The following ARHGAP10 variants were observed in gnomAD, a reference collection of about 807,000 sequenced individuals.
ARHGAP10 encodes Rho GTPase activating protein 10.
ARHGAP10 carries 87 observed loss-of-function variants against 108.6 expected under a neutral mutation model. That is an observed-to-expected ratio of 0.80 (90% CI 0.67 to 0.96). The LOEUF (loss-of-function observed/expected upper bound fraction) is 0.96. Among genes scored for constraint, ARHGAP10 ranks in the 40% least tolerant of loss-of-function variants. ARHGAP10 has a pLI of 0.00. For synonymous variants in ARHGAP10, 347 were observed against 341.1 expected (o/e 1.02, Z -0.19); for missense variants, 939 against 954.5 (o/e 0.98, Z 0.21).
intron 1 of ARHGAP10, among the ~76,000 whole-genome samples, chr4:147,784,679 A>G (rs147737078): frequency 0.78 from 57,992 of 74,722 alleles, 26,955 homozygotes; most frequent in Non-Finnish European, 0.97. Flanking sequence ...TATATATTAT[A>G]AATATAAAAT....
rs762063525 is a variant in ARHGAP10 at position 147,822,718 on chromosome 4, T to C, written c.155-9T>C. ...AGAACCCAAGTCATCATTATACTTT[T>C]CTTTCTAGGTCTGTCAGTGGCCCAG... On this transcript the variant is annotated splice_polypyrimidine_tract_variant and intron_variant, in intron 1 of 22. Coordinates refer to ENST00000336498, the MANE Select transcript of ARHGAP10 (RefSeq NM_024605.4). 1.8e-5 allele frequency: 29 copies of C among 1,612,826 alleles called. 1 individual carries two copies. In the South Asian group the frequency reaches 3.2e-4, roughly 18 times the overall value.
intron 5 of ARHGAP10, chr4:147,858,383 C>T (rs1000605983): frequency 6.6e-6 from 1 of 152,000 alleles, no homozygotes; most frequent in Non-Finnish European, 1.5e-5. Context: ...GGAATCTGGA[C>T]ATTATGTACT....
chr4:147,938,979 A>G (rs1738063379), intron 13 of ARHGAP10, among the ~76,000 whole-genome samples: 2 of 152,198 alleles, frequency 1.3e-5, no homozygotes, highest in Admixed American at 1.3e-4. Flanking sequence ...ATTTTGCCAC[A>G]GTTGTTTCAT....
At chr4:147,956,452 T>C (rs1467562428) in intron 16 of ARHGAP10, among the ~76,000 whole-genome samples, 1 of 152,206 alleles carries the variant, frequency 6.6e-6, no homozygotes, top group Admixed American at 6.5e-5. Context: ...AAACTGGTTC[T>C]ATTCGTTTTT....
At chr4:147,836,051 C>T (rs551669194) in intron 3 of ARHGAP10, among the ~76,000 whole-genome samples, 1 of 152,220 alleles carries the variant, frequency 6.6e-6, no homozygotes, top group East Asian at 1.9e-4. Flanking sequence ...AAAAACAAAT[C>T]TTTACAGGTA....
In ARHGAP10 at chr4:147,889,670, T is replaced by A. The variant is rs201108372; in HGVS notation, c.1034+7738T>A. ...ATGTCTAATGTAAACATACTTTGTC[T>A]TCTTTACAAGTATCTGTTTTTGCTA... On this transcript the variant is annotated intron_variant, in intron 10 of 22. Coordinates refer to ENST00000336498, the MANE Select transcript of ARHGAP10 (RefSeq NM_024605.4). Among the ~76,000 whole-genome samples the A allele has an allele frequency of 1.6e-4, 4 of 25,610 alleles. No individual in the cohort carries two copies. In the Non-Finnish European group the frequency reaches 6.0e-3, roughly 38 times the overall value. 16.8% of individuals were successfully genotyped at this position (25,610 alleles called of 152,430 possible). A position where few individuals can be genotyped will look rare whatever the true frequency, so the allele number is the denominator to read the frequency against.
intron 1 of ARHGAP10, among the ~76,000 whole-genome samples, chr4:147,771,389 G>A (rs1182334477): frequency 1.3e-5 from 2 of 152,116 alleles, no homozygotes; most frequent in African/African-American, 2.4e-5. Context: ...TTTGATACAG[G>A]CATGCAATGT....
chr4:147,956,712 A>G (rs1292911006), intron 16 of ARHGAP10, among the ~76,000 whole-genome samples: 2 of 151,976 alleles, frequency 1.3e-5, no homozygotes, highest in Admixed American at 6.6e-5. Flanking sequence ...AGAATTAGAG[A>G]AAGATAAAGT....
chr4:147,899,089 T>G (rs1240339478), intron 10 of ARHGAP10, among the ~76,000 whole-genome samples: 3 of 152,168 alleles, frequency 2.0e-5, no homozygotes, highest in Non-Finnish European at 1.5e-5. Flanking sequence ...CAGGGTGGTC[T>G]CTCAGTCCTG....
intron 1 of ARHGAP10, among the ~76,000 whole-genome samples, chr4:147,739,217 A>G (rs1728553559): frequency 6.6e-6 from 1 of 151,828 alleles, no homozygotes; most frequent in African/African-American, 2.4e-5. Context: ...AAGAAAATAC[A>G]TTGGCAAATC....
At chr4:147,744,638 T>C (rs1483728238) in intron 1 of ARHGAP10, among the ~76,000 whole-genome samples, 1 of 151,232 alleles carries the variant, frequency 6.6e-6, no homozygotes, top group African/African-American at 2.4e-5. Flanking sequence ...TAGGGGGTGA[T>C]TGGGTGTGGG....
At chr4:147,784,196 T>C (rs1730704768) in intron 1 of ARHGAP10, among the ~76,000 whole-genome samples, 1 of 94,138 alleles carries the variant, frequency 1.1e-5, no homozygotes, top group Non-Finnish European at 1.9e-5. Flanking sequence ...CATTAAATTG[T>C]GTATTATATA....
intron 18 of ARHGAP10, among the ~76,000 whole-genome samples, chr4:147,986,985 A>G (rs1740068303): frequency 6.6e-6 from 1 of 152,198 alleles, no homozygotes; most frequent in South Asian, 2.1e-4. Flanking sequence ...GTGACTGTTT[A>G]ATAGGCTACA....
At chr4:147,749,008 A>C (rs1347278289) in intron 1 of ARHGAP10, among the ~76,000 whole-genome samples, 1 of 152,112 alleles carries the variant, frequency 6.6e-6, no homozygotes, top group African/African-American at 2.4e-5. Flanking sequence ...TTTACTTTTG[A>C]AACTCACTTT....
At chr4:147,936,202 G>C (rs1410503348) in intron 13 of ARHGAP10, among the ~76,000 whole-genome samples, 2 of 152,026 alleles carry the variant, frequency 1.3e-5, no homozygotes, top group Non-Finnish European at 2.9e-5. Context: ...GAAGGATTGA[G>C]GCTCAATCTT....
At chr4:147,910,876 G>T (rs141593137) in intron 12 of ARHGAP10, among the ~76,000 whole-genome samples, 1 of 152,064 alleles carries the variant, frequency 6.6e-6, no homozygotes, top group African/African-American at 2.4e-5. Flanking sequence ...TTGTAGCCTG[G>T]CACTGGTGAT....
rs142229091 is a variant in ARHGAP10, at chr4:147,789,086, T to A, written c.155-33641T>A. Among the ~76,000 whole-genome samples, 1,286 of 152,302 alleles carry A rather than the reference T, an allele frequency of 8.4e-3. 19 individuals carry two copies. The highest frequency in any genetic ancestry group is 0.03 in the African/African-American group (1,227 of 41,564). ...CTTTTGTGAGTGTGACCTCCCCTCT[T>A]AGCGTCTCCCACTGTCTTTGGGAGT... On this transcript the variant is annotated intron_variant, in intron 1 of 22. Coordinates refer to ENST00000336498, the MANE Select transcript of ARHGAP10 (RefSeq NM_024605.4).
chr4:147,946,205 T>G (rs544623265), intron 14 of ARHGAP10: 1 of 159,594 alleles, frequency 6.3e-6, no homozygotes, highest in African/African-American at 2.4e-5. Context: ...ATACACAGTA[T>G]GAGGGCAACA....
chr4:147,794,253 C>T (rs1395014817), intron 1 of ARHGAP10, among the ~76,000 whole-genome samples: 1 of 152,150 alleles, frequency 6.6e-6, no homozygotes, highest in Non-Finnish European at 1.5e-5. Flanking sequence ...AGTAGAGCTT[C>T]TTGTGTTGTC....
Sources: allele counts gnomAD v4.1 joint callset (sites outside exome capture counted in the v4.1 genomes callset), GRCh38; gene constraint gnomAD v4.1.1; transcripts MANE v1.5; gene names NCBI Gene and HGNC (gene_info 2026-07-23, HGNC 2026-07-21).